MEI4: variants seen among roughly 807,000 people sequenced by gnomAD.
MEI4 encodes meiotic double-stranded break formation protein 4.
In MEI4, 27 loss-of-function variants were observed where a neutral mutation model predicts 31.4. The ratio of observed to expected loss-of-function variants is 0.86; its 90% CI spans 0.63 to 1.19. MEI4 has a LOEUF of 1.19. Among genes scored for constraint, MEI4 ranks in the 50% most tolerant of loss-of-function variants. The pLI is 0.00. For missense variants in MEI4, 329 were observed against 398.9 expected, an observed-to-expected ratio of 0.82 and a Z score of 1.49; for synonymous variants, 122 against 145.4, an observed-to-expected ratio of 0.84 and a Z score of 1.16.
intron 3 of MEI4, among the ~76,000 whole-genome samples, chr6:77,785,756 C>A (rs1768718055): frequency 6.6e-6 from 1 of 152,082 alleles, no homozygotes; most frequent in Admixed American, 6.6e-5. Flanking sequence ...GAGCTTTTGG[C>A]CCCAGGCTCT....
At chr6:77,798,051 TA>T (rs1769129273) in intron 3 of MEI4, among the ~76,000 whole-genome samples, 1 of 152,110 alleles carries the variant, frequency 6.6e-6, no homozygotes, top group South Asian at 2.1e-4. Flanking sequence ...GAAATAAAAC[TA>T]AACTAGAATA....
At chr6:77,791,304 G>T (rs1295501835) in intron 3 of MEI4, among the ~76,000 whole-genome samples, 2 of 151,960 alleles carry the variant, frequency 1.3e-5, no homozygotes, top group Non-Finnish European at 2.9e-5. Context: ...ATGATAGACT[G>T]GATTAAGAAA....
At chr6:77,755,147 G>A (rs1204683920) in intron 2 of MEI4, among the ~76,000 whole-genome samples, 1 of 151,918 alleles carries the variant, frequency 6.6e-6, no homozygotes, top group Admixed American at 6.6e-5. Context: ...GACCAACCTG[G>A]GCAACAAGTG....
chr6:77,905,020 C>T (rs1562032509), intron 4 of MEI4, among the ~76,000 whole-genome samples: 1 of 152,030 alleles, frequency 6.6e-6, no homozygotes, highest in Non-Finnish European at 1.5e-5. Context: ...TTTTAGGTTA[C>T]TAATAGCATC....
At chr6:77,802,903 C>G (rs1341928801) in intron 3 of MEI4, among the ~76,000 whole-genome samples, 1 of 152,162 alleles carries the variant, frequency 6.6e-6, no homozygotes, top group East Asian at 1.9e-4. Context: ...CTGCCCTTAA[C>G]ATTTTTTCCT....
At chr6:77,865,697 G>T (rs1280507268) in intron 4 of MEI4, among the ~76,000 whole-genome samples, 1 of 152,086 alleles carries the variant, frequency 6.6e-6, no homozygotes, top group African/African-American at 2.4e-5. Context: ...CCAATCAATA[G>T]AAAAAGAGGG....
chr6:77,699,485 C>T (rs1029381853), intron 2 of MEI4, among the ~76,000 whole-genome samples: 2 of 152,210 alleles, frequency 1.3e-5, no homozygotes, highest in Non-Finnish European at 2.9e-5. Context: ...AGCCACCGCG[C>T]CCGGCCCAAA....
chr6:77,656,783 A>G (rs910996412), intron 1 of MEI4, among the ~76,000 whole-genome samples: 1 of 152,158 alleles, frequency 6.6e-6, no homozygotes, highest in African/African-American at 2.4e-5. Flanking sequence ...TTCCATTCTT[A>G]TAAAGATTAT....
At chr6:77,788,276 A>T (rs943880683) in intron 3 of MEI4, among the ~76,000 whole-genome samples, 5 of 152,230 alleles carry the variant, frequency 3.3e-5, no homozygotes, top group Non-Finnish European at 4.4e-5. Flanking sequence ...GCTATCTATG[A>T]GAAGCCCACA....
chr6:77,815,293 C>T (rs62427311), intron 3 of MEI4, among the ~76,000 whole-genome samples: 20,957 of 151,980 alleles, frequency 0.14, 1,535 homozygotes, highest in Middle Eastern at 0.21. Context: ...AACTAATATC[C>T]GAGATCCATG....
chr6:77,863,779 C>A (rs1245377899), intron 4 of MEI4, among the ~76,000 whole-genome samples: 4 of 152,094 alleles, frequency 2.6e-5, no homozygotes, highest in Admixed American at 6.5e-5. Flanking sequence ...ACATAATTGT[C>A]AGATTCACCA....
chr6:77,675,532 C>CTT (rs71758588), intron 1 of MEI4, among the ~76,000 whole-genome samples: 112 of 140,112 alleles, frequency 8.0e-4, no homozygotes, highest in African/African-American at 2.8e-3. Context: ...GGAAATATTG[C>CTT]TTTTTTTTTT....
intron 4 of MEI4, among the ~76,000 whole-genome samples, chr6:77,874,912 T>A (rs1771295617): frequency 6.6e-6 from 1 of 152,244 alleles, no homozygotes; most frequent in Admixed American, 6.5e-5. Flanking sequence ...TTACATTTAT[T>A]GATTTGCATA....
intron 2 of MEI4, among the ~76,000 whole-genome samples, chr6:77,747,175 G>T (rs1767633142): frequency 6.6e-6 from 1 of 152,016 alleles, no homozygotes; most frequent in Non-Finnish European, 1.5e-5. Context: ...AACTGGGCAT[G>T]GTGGCACACA....
Position 77,923,069 on chromosome 6 carries a change from A to C in MEI4, c.901-20A>C, listed in dbSNP as rs1766747306. On this transcript the variant is annotated intron_variant, in intron 4 of 4. Coordinates refer to ENST00000684080, the MANE Select transcript of MEI4 (RefSeq NM_001322247.2). ...TAATTTATACCCAATTTTTTAAAGG[A>C]GTTTGTTGTTTATTTGTAGGAGCAA... is the stretch of plus-strand genomic sequence containing the variant. The C allele has an allele frequency of 8.2e-6, 10 of 1,226,676 alleles. No individual in the cohort carries two copies. Among genetic ancestry groups the C allele is most frequent in the Admixed American group, 4.3e-5 (1 of 23,506 alleles). 76.0% of individuals were successfully genotyped at this position (1,226,676 alleles called of 1,614,324 possible). A position where few individuals can be genotyped will look rare whatever the true frequency, so the allele number is the denominator to read the frequency against.
intron 2 of MEI4, among the ~76,000 whole-genome samples, chr6:77,706,949 T>C (rs1766345913): frequency 2.6e-5 from 4 of 152,058 alleles, no homozygotes; most frequent in Admixed American, 1.3e-4. Context: ...TATTCCTTTA[T>C]AGTGATACAA....
intron 2 of MEI4, among the ~76,000 whole-genome samples, chr6:77,699,001 G>A (rs4579319): frequency 0.093 from 14,047 of 151,496 alleles, 936 homozygotes; most frequent in East Asian, 0.31. Flanking sequence ...TTCCCTTCTC[G>A]CTTCATTTCA....
intron 3 of MEI4, among the ~76,000 whole-genome samples, chr6:77,826,508 T>G (rs1340761772): frequency 6.6e-6 from 1 of 152,162 alleles, no homozygotes; most frequent in Admixed American, 6.5e-5. Flanking sequence ...TCTGGCCCCT[T>G]CTCAAAGTGT....
chr6:77,811,093 A>G (rs1449696346), intron 3 of MEI4, among the ~76,000 whole-genome samples: 1 of 152,192 alleles, frequency 6.6e-6, no homozygotes, highest in Non-Finnish European at 1.5e-5. Context: ...ACATCGTTCC[A>G]TTGTTTGTAG....
Sources: allele counts gnomAD v4.1 joint callset (sites outside exome capture counted in the v4.1 genomes callset), GRCh38; gene constraint gnomAD v4.1.1; transcripts MANE v1.5; gene names NCBI Gene and HGNC (gene_info 2026-07-23, HGNC 2026-07-21).